GLIS3: variants seen among roughly 807,000 people sequenced by gnomAD.
GLIS3 encodes zinc finger protein GLIS3.
Under a neutral mutation model 78.6 loss-of-function variants are expected in GLIS3, and 53 were observed. The ratio of observed to expected loss-of-function variants is 0.67; its 90% CI spans 0.54 to 0.85. GLIS3 has a LOEUF of 0.85. Among genes scored for constraint, GLIS3 ranks in the 40% least tolerant of loss-of-function variants. The pLI is 0.00. For synonymous variants in GLIS3, 684 were observed against 509.9 expected, an observed-to-expected ratio of 1.34 and a Z score of -4.60; for missense variants, 1,703 against 1,231.1, an observed-to-expected ratio of 1.38 and a Z score of -5.74.
chr9:3,826,385 A>C lies in GLIS3; in HGVS notation c.*1887T>G, dbSNP rs1164216873. 6.6e-6 allele frequency: 1 copy of C among 152,224 alleles called. No homozygotes were observed. Among genetic ancestry groups the C allele is most frequent in the African/African-American group, 2.4e-5 (1 of 41,460 alleles). 9.4% of individuals were successfully genotyped at this position (152,224 alleles called of 1,614,324 possible). ...AAGTGACACGACCCACAAAGTCTGC[A>C]GGAAGGGTGGTACTTTACAAGCAGC... On this transcript the variant is annotated 3_prime_UTR_variant, in exon 11 of 11. Transcript: ENST00000381971.
At chr9:4,098,611 A>C (rs1287642387) in intron 4 of GLIS3, among the ~76,000 whole-genome samples, 1 of 152,158 alleles carries the variant, frequency 6.6e-6, no homozygotes, top group African/African-American at 2.4e-5. Flanking sequence ...CTGTGCCTTA[A>C]AACCATCGGT....
Position 4,090,090 on chromosome 9 carries a change from T to C in GLIS3, c.1710+27678A>G, listed in dbSNP as rs545169499. 2.0e-5 allele frequency among the ~76,000 whole-genome samples: 3 copies of C among 152,234 alleles called. No individual in the cohort carries two copies. In the East Asian group the frequency reaches 5.8e-4, roughly 30 times the overall value. On this transcript the variant is annotated intron_variant, in intron 4 of 10. Coordinates refer to ENST00000381971, the MANE Select transcript of GLIS3 (RefSeq NM_001042413.2). ...GCAGGGGGTATGATTCCTATTCCCA[T>C]ACCAGCTTTGTCAAAGCACTTGTCC...
chr9:4,403,331 A>C, the GLIS3 span, among the ~76,000 whole-genome samples: 2 of 152,214 alleles, frequency 1.3e-5, no homozygotes, highest in African/African-American at 4.8e-5. Context: ...AGTCTGAAAG[A>C]AAGGGATGTT....
the GLIS3 span, among the ~76,000 whole-genome samples, chr9:4,437,638 T>C: frequency 1.3e-5 from 2 of 152,164 alleles, no homozygotes; most frequent in Admixed American, 1.3e-4. Flanking sequence ...TAGGTCTACT[T>C]ATACGCAGAT....
Position 3,858,878 on chromosome 9 carries a change from G to A in GLIS3, c.2298-2694C>T, listed in dbSNP as rs574399179. 1.3e-4 allele frequency among the ~76,000 whole-genome samples: 20 copies of A among 152,182 alleles called. No homozygotes were observed. The East Asian group carries it at 3.5e-3, about 26-fold the overall frequency. On this transcript the variant is annotated intron_variant, in intron 8 of 10. Transcript: ENST00000381971. ...ATATATAGGATTGATTTTCAAGTAC[G>A]GCAGATAGAATCCATTTTGTTACTG...
At chr9:4,369,169 C>T in the GLIS3 span, among the ~76,000 whole-genome samples, 5 of 152,052 alleles carry the variant, frequency 3.3e-5, no homozygotes, top group Non-Finnish European at 5.9e-5. Flanking sequence ...TCCGCCAGAC[C>T]TTGAGGTCCT....
At chr9:3,985,290 G>T (rs1005993374) in intron 4 of GLIS3, among the ~76,000 whole-genome samples, 7 of 152,112 alleles carry the variant, frequency 4.6e-5, no homozygotes, top group Non-Finnish European at 7.3e-5. Context: ...CCACAGGTGT[G>T]TGCTACCACA....
chr9:4,154,747 G>A (rs946665116), intron 2 of GLIS3, among the ~76,000 whole-genome samples: 3 of 152,098 alleles, frequency 2.0e-5, no homozygotes, highest in Non-Finnish European at 4.4e-5. Context: ...AACCTTTGGG[G>A]AAGCAACTTG....
intron 4 of GLIS3, among the ~76,000 whole-genome samples, chr9:3,982,806 AT>A (rs758028812): frequency 1.3e-5 from 2 of 152,164 alleles, no homozygotes; most frequent in Non-Finnish European, 2.9e-5. Flanking sequence ...TATTTTCTCC[AT>A]CCTATATGGA....
chr9:4,383,369 T>G, the GLIS3 span, among the ~76,000 whole-genome samples: 4 of 152,266 alleles, frequency 2.6e-5, no homozygotes, highest in Non-Finnish European at 4.4e-5. Context: ...CCTTTTTATC[T>G]ACTATTTTCT....
intron 4 of GLIS3, among the ~76,000 whole-genome samples, chr9:3,979,875 C>T (rs1017664334): frequency 6.6e-5 from 10 of 152,194 alleles, no homozygotes; most frequent in Non-Finnish European, 1.2e-4. Context: ...CAGATAAAGT[C>T]ACCACTCTCA....
At chr9:4,038,359 T>C (rs999303881) in intron 4 of GLIS3, among the ~76,000 whole-genome samples, 3 of 152,248 alleles carry the variant, frequency 2.0e-5, no homozygotes, top group African/African-American at 7.2e-5. Flanking sequence ...TGAGTCACTG[T>C]AGTTTTACAA....
intron 2 of GLIS3, among the ~76,000 whole-genome samples, chr9:4,226,410 A>G (rs956997996): frequency 2.6e-5 from 4 of 152,172 alleles, no homozygotes; most frequent in African/African-American, 7.2e-5. Context: ...AAATGAAGAA[A>G]CTACCAACAG....
the GLIS3 span, among the ~76,000 whole-genome samples, chr9:4,413,837 C>T: frequency 6.6e-6 from 1 of 152,020 alleles, no homozygotes. Context: ...TAACTAAAAC[C>T]CTGTAAAATT....
At chr9:4,070,241 G>C (rs1455639089) in intron 4 of GLIS3, among the ~76,000 whole-genome samples, 1 of 152,106 alleles carries the variant, frequency 6.6e-6, no homozygotes, top group African/African-American at 2.4e-5. Context: ...GTTCCATACA[G>C]ATCCATTCTG....
At chr9:4,096,934 C>A (rs949634348) in intron 4 of GLIS3, among the ~76,000 whole-genome samples, 3 of 152,106 alleles carry the variant, frequency 2.0e-5, no homozygotes, top group African/African-American at 7.2e-5. Context: ...ATCTCTTGGA[C>A]CCAGGAGGCA....
intron 2 of GLIS3, among the ~76,000 whole-genome samples, chr9:4,264,559 C>A (rs1450853741): frequency 1.3e-5 from 2 of 152,104 alleles, no homozygotes; most frequent in Non-Finnish European, 2.9e-5. Flanking sequence ...CCTGGCTGTA[C>A]CTCAATCAAA....
chr9:4,419,874 C>T, the GLIS3 span, among the ~76,000 whole-genome samples: 1 of 152,120 alleles, frequency 6.6e-6, no homozygotes, highest in Non-Finnish European at 1.5e-5. Flanking sequence ...GAGAAATCTG[C>T]CCCCATGATC....
the GLIS3 span, chr9:4,386,304 T>C: frequency 6.6e-6 from 1 of 152,214 alleles, no homozygotes; most frequent in Non-Finnish European, 1.5e-5. Flanking sequence ...CAATGAACAT[T>C]TTCATAGCCA....
Sources: gnomAD v4.1 joint callset for allele counts (sites outside exome capture counted in the v4.1 genomes callset) on GRCh38, gnomAD v4.1.1 for gene constraint, MANE v1.5 for transcripts, NCBI Gene and HGNC (gene_info 2026-07-23, HGNC 2026-07-21) for gene names.